The following ZNF207 variants were observed in gnomAD, a reference collection of about 807,000 sequenced individuals.
The protein encoded by ZNF207 is zinc finger protein 207.
In ZNF207, 24 loss-of-function variants were observed where a neutral mutation model predicts 60.2. The ratio of observed to expected loss-of-function variants is 0.40; its 90% CI spans 0.29 to 0.56. The LOEUF (loss-of-function observed/expected upper bound fraction) is 0.56, where lower values mean the gene tolerates loss of function less well. ZNF207 is among the 20% of genes least tolerant of loss of function. The pLI is 0.49. For missense variants in ZNF207, 452 were observed against 636.6 expected (o/e 0.71, Z 3.12); for synonymous variants, 236 against 194.7 (o/e 1.21, Z -1.77).
chr17:32,367,752 TG>T lies in ZNF207; in HGVS notation c.922-19del. ...ATTTAAGGTTTTGAAGTTTCGTTGA[TG>T]AAGTATTGTATTTTACAGGCTCAGG... On this transcript the variant is annotated intron_variant, in intron 9 of 11. Transcript: ENST00000394670. 3 of 1,609,814 alleles carry T rather than the reference TG, an allele frequency of 1.9e-6. No individual in the cohort carries two copies. Among genetic ancestry groups the T allele is most frequent in the Non-Finnish European group, 2.5e-6 (3 of 1,177,740 alleles).
chr17:32,376,680 T>C lies in ZNF207; in HGVS notation c.*6921T>C, dbSNP rs942075642. 6.6e-6 allele frequency: 1 copy of C among 152,068 alleles called. No homozygotes were observed. Among genetic ancestry groups the C allele is most frequent in the Non-Finnish European group, 1.5e-5 (1 of 67,926 alleles). The allele number at this position is 152,068 out of a possible 1,614,324, so 9.4% of individuals were successfully genotyped here. On this transcript the variant is annotated 3_prime_UTR_variant, in exon 12 of 12. Transcript: ENST00000394670. Reference sequence around the variant, plus strand: ...ATTGAACACTATTATAAATCTAGACTGGCTAATTAGATGGAAACTTTGATG... The same window carrying C: ...ATTGAACACTATTATAAATCTAGACCGGCTAATTAGATGGAAACTTTGATG...
chr17:32,371,093 A>C lies in ZNF207; in HGVS notation c.*1334A>C, dbSNP rs1286351606. On this transcript the variant is annotated 3_prime_UTR_variant, in exon 12 of 12. Coordinates refer to ENST00000394670, the MANE Select transcript of ZNF207 (RefSeq NM_001098507.2). ...TCAATATTTTGTGTTGCAACCTCTT[A>C]AAATAATAGCTCTTGTTGACCTTTT... 2.0e-5 allele frequency: 3 copies of C among 152,278 alleles called. No individual in the cohort carries two copies. In the South Asian group the frequency reaches 6.2e-4, roughly 32 times the overall value. The allele number at this position is 152,278 out of a possible 1,614,324, so 9.4% of individuals were successfully genotyped here. A position where few individuals can be genotyped will look rare whatever the true frequency, so the allele number is the denominator to read the frequency against.
intron 2 of ZNF207, among the ~76,000 whole-genome samples, chr17:32,353,481 A>G (rs1904318782): frequency 6.6e-6 from 1 of 151,862 alleles, no homozygotes. Flanking sequence ...CAATAATTTA[A>G]TATTCATTTT....
At chr17:32,352,200 C>T (rs1280278515) in intron 2 of ZNF207, among the ~76,000 whole-genome samples, 1 of 152,140 alleles carries the variant, frequency 6.6e-6, no homozygotes, top group Non-Finnish European at 1.5e-5. Context: ...GAACTCCTGA[C>T]CTCAGGTGAT....
chr17:32,369,755 ACTGAT>A lies in ZNF207; in HGVS notation c.1484_*3del. The stretch of plus-strand genomic sequence containing the variant: ...CCTGTAATGTCGCAAGGTGGCCGTT[ACTGAT>A]CTTACTTCATCCAGTCTAATAGGTT... On this transcript the variant is annotated stop_lost and 3_prime_UTR_variant, in exon 12 of 12. Coordinates refer to ENST00000394670, the MANE Select transcript of ZNF207 (RefSeq NM_001098507.2). 1 of 1,526,548 alleles carries A rather than the reference ACTGAT, an allele frequency of 6.6e-7. No homozygotes were observed. Among genetic ancestry groups the A allele is most frequent in the Non-Finnish European group, 8.8e-7 (1 of 1,138,490 alleles). The allele number at this position is 1,526,548 out of a possible 1,614,324, so 94.6% of individuals were successfully genotyped here. A position where few individuals can be genotyped will look rare whatever the true frequency, so the allele number is the denominator to read the frequency against.
intron 5 of ZNF207, 168 bp from the exon 6 acceptor site, chr17:32,361,300 C>G: frequency 1.7e-6 from 1 of 589,628 alleles, no homozygotes; most frequent in Non-Finnish European, 2.9e-6. Flanking sequence ...AGCAGAGAAA[C>G]TCTGTAAATG....
chr17:32,366,920 A>C (rs558710694), intron 9 of ZNF207, among the ~76,000 whole-genome samples, 163 bp downstream of exon 9: 4 of 152,142 alleles, frequency 2.6e-5, no homozygotes, highest in Non-Finnish European at 5.9e-5. Flanking sequence ...ATTTGAATTC[A>C]TACTAAACAA....
chr17:32,367,576 C>CT (rs1597791002), intron 9 of ZNF207, among the ~76,000 whole-genome samples, 196 bp from the exon 10 acceptor site: 1 of 151,902 alleles, frequency 6.6e-6, no homozygotes, highest in East Asian at 1.9e-4. Context: ...GTGGGTGTGA[C>CT]TTTAACCTAG....
In ZNF207 at chr17:32,367,282, T is replaced by TATATATATATATATATATAA. The variant is rs1445385221; in HGVS notation, c.922-487_922-486insTATATATATATATATAAATA. Among the ~76,000 whole-genome samples, 604 of 82,834 alleles carry TATATATATATATATATATAA rather than the reference T, an allele frequency of 7.3e-3. 23 individuals carry two copies. The highest frequency in any genetic ancestry group is 0.011 in the Admixed American group (81 of 7,590). The allele number at this position is 82,834 out of a possible 152,430, so 54.3% of individuals were successfully genotyped here. On this transcript the variant is annotated intron_variant, in intron 9 of 11. Transcript: ENST00000394670. ...ATATATATATATATATATATATATATATAAAGAATACTACTAAAGGATGTA... is the reference window on the plus strand; with the variant it reads ...ATATATATATATATATATATATATATATATATATATATATATATAAATAAAGAATACTACTAAAGGATGTA...
At position 32,367,282 on chromosome 17, in the gene ZNF207, T is replaced by TATATATAAAA. The variant is rs1445385221; in HGVS notation, c.922-487_922-486insTATAAAAATA. 1.0e-3 allele frequency among the ~76,000 whole-genome samples: 83 copies of TATATATAAAA among 82,810 alleles called. 2 individuals are homozygous for TATATATAAAA. Among genetic ancestry groups the TATATATAAAA allele is most frequent in the Admixed American group, 1.6e-3 (12 of 7,586 alleles). 54.3% of individuals were successfully genotyped at this position (82,810 alleles called of 152,430 possible). On this transcript the variant is annotated intron_variant, in intron 9 of 11. Transcript: ENST00000394670. ...ATATATATATATATATATATATATA[T>TATATATAAAA]ATAAAGAATACTACTAAAGGATGTA...
chr17:32,359,065 A>T (rs1904709860), intron 3 of ZNF207, among the ~76,000 whole-genome samples: 1 of 150,404 alleles, frequency 6.6e-6, no homozygotes, highest in Non-Finnish European at 1.5e-5. Context: ...TGCCTCGCAA[A>T]GTGCTGGGAT....
intron 8 of ZNF207, 106 bp from the exon 9 acceptor site, chr17:32,366,559 A>C (rs1159354297): frequency 2.6e-6 from 2 of 765,616 alleles, no homozygotes; most frequent in Admixed American, 3.5e-5. Flanking sequence ...GATTGCATTA[A>C]ATTTTGCATT....
Position 32,360,724 on chromosome 17 carries a change from C to T in ZNF207, c.434C>T (p.Pro145Leu). ...QQGYIPPMAQ[P>L]GLPPVPGAPG... is the part of the protein sequence containing the mutation. The stretch of plus-strand genomic sequence containing the variant: ...GGTTATATTCCTCCAATGGCACAGC[C>T]AGGACTGCCACCAGTACCAGGAGCA... The change falls in exon 4 of 12, where the codon CCA (proline) becomes CTA (leucine). Residue 145 changes from proline to leucine, a missense_variant. By Grantham distance (98) the Pro-to-Leu change is moderately conservative (BLOSUM62 -3). Coordinates refer to ENST00000394670, the MANE Select transcript of ZNF207 (RefSeq NM_001098507.2). 6.2e-7 allele frequency: 1 copy of T among 1,614,072 alleles called. No individual in the cohort carries two copies. The highest frequency in any genetic ancestry group is 8.5e-7 in the Non-Finnish European group (1 of 1,180,026).
intron 11 of ZNF207, 54 bp downstream of exon 11, chr17:32,369,508 A>G (rs1905368159): frequency 6.2e-7 from 1 of 1,603,830 alleles, no homozygotes; most frequent in African/African-American, 1.3e-5. Flanking sequence ...GTTCACGCAT[A>G]AAATATTAAA....
intron 7 of ZNF207, among the ~76,000 whole-genome samples, chr17:32,364,103 G>C (rs1457121523): frequency 6.6e-6 from 1 of 150,660 alleles, no homozygotes; most frequent in East Asian, 2.0e-4. Flanking sequence ...CACGATCATA[G>C]CTCACTGCAG....
At position 32,372,083 on chromosome 17, in the gene ZNF207, G is replaced by T. The variant is rs544715090; in HGVS notation, c.*2324G>T. 6.9e-6 allele frequency: 1 copy of T among 145,760 alleles called. No homozygotes were observed. The highest frequency in any genetic ancestry group is 2.4e-5 in the African/African-American group (1 of 41,056). 9.0% of individuals were successfully genotyped at this position (145,760 alleles called of 1,614,324 possible). The stretch of plus-strand genomic sequence containing the variant: ...TGGGAGGCCCAGGCGGGTGGATCAT[G>T]AGGTCAGGAGATGGAGACCATCCTG... On this transcript the variant is annotated 3_prime_UTR_variant, in exon 12 of 12. Transcript: ENST00000394670.
chr17:32,365,576 A>T, intron 8 of ZNF207, 89 bp downstream of exon 8: 2 of 1,258,636 alleles, frequency 1.6e-6, no homozygotes, highest in Non-Finnish European at 2.1e-6. Context: ...TCATAGGTCA[A>T]TTTTTTTGTT....
chr17:32,365,984 C>T (rs887312546), intron 8 of ZNF207, among the ~76,000 whole-genome samples: 2 of 151,996 alleles, frequency 1.3e-5, no homozygotes, highest in Non-Finnish European at 2.9e-5. Context: ...TCTTACTGGT[C>T]TTTTTTCAAA....
At chr17:32,354,773 C>G (rs1490761371) in intron 2 of ZNF207, among the ~76,000 whole-genome samples, 1 of 151,974 alleles carries the variant, frequency 6.6e-6, no homozygotes, top group Non-Finnish European at 1.5e-5. Context: ...GCCATTGTGC[C>G]TAGCTAATTG....
Sources: allele counts gnomAD v4.1 joint callset (sites outside exome capture counted in the v4.1 genomes callset), GRCh38; gene constraint gnomAD v4.1.1; transcripts MANE v1.5; gene names NCBI Gene and HGNC (gene_info 2026-07-23, HGNC 2026-07-21).